GXYLT2: variants seen among roughly 807,000 people sequenced by gnomAD.
GXYLT2 encodes the protein glucoside xylosyltransferase 2.
In GXYLT2, 53 loss-of-function variants were observed where a neutral mutation model predicts 45.8. That is an observed-to-expected ratio of 1.16 (90% CI 0.93 to 1.46). The LOEUF (loss-of-function observed/expected upper bound fraction) is 1.46, where lower values mean the gene tolerates loss of function less well. GXYLT2 is among the 40% of genes most tolerant of loss of function. The probability of loss-of-function intolerance (pLI) is 0.00; values close to 1 mark genes in which losing one functional copy is unlikely to be tolerated. For missense variants in GXYLT2, 551 were observed against 544.4 expected (o/e 1.01, Z -0.12); for synonymous variants, 219 against 214.2 (o/e 1.02, Z -0.19).
chr3:72,941,823 A>G (rs895416906), intron 3 of GXYLT2, among the ~76,000 whole-genome samples: 1 of 152,214 alleles, frequency 6.6e-6, no homozygotes, highest in East Asian at 1.9e-4. Flanking sequence ...AATTATGGAT[A>G]TGTATGTATA....
chr3:72,953,047 A>G (rs1710555960), intron 3 of GXYLT2, among the ~76,000 whole-genome samples: 1 of 152,150 alleles, frequency 6.6e-6, no homozygotes, highest in Non-Finnish European at 1.5e-5. Flanking sequence ...CAAATCACCC[A>G]GCAAAGCTCT....
At chr3:72,898,714 G>T (rs1368329767) in intron 1 of GXYLT2, among the ~76,000 whole-genome samples, 1 of 152,156 alleles carries the variant, frequency 6.6e-6, no homozygotes, top group Non-Finnish European at 1.5e-5. Context: ...CATCTGCTCA[G>T]AGAGGGCTCT....
intron 3 of GXYLT2, among the ~76,000 whole-genome samples, chr3:72,931,280 T>C (rs1306955889): frequency 6.6e-6 from 1 of 151,912 alleles, no homozygotes; most frequent in Non-Finnish European, 1.5e-5. Flanking sequence ...CAGGCTGGAG[T>C]GCAGTGGCTC....
At chr3:72,943,399 C>T (rs1183741073) in intron 3 of GXYLT2, among the ~76,000 whole-genome samples, 3 of 147,000 alleles carry the variant, frequency 2.0e-5, no homozygotes, top group South Asian at 2.1e-4. Context: ...TTTTTGGAGA[C>T]AGGGTCTCCC....
intron 3 of GXYLT2, among the ~76,000 whole-genome samples, chr3:72,941,147 T>C (rs186021725): frequency 6.6e-6 from 1 of 152,316 alleles, no homozygotes; most frequent in Non-Finnish European, 1.5e-5. Context: ...GTTCTGGGTC[T>C]GCATGTATTT....
At position 72,961,674 on chromosome 3, in the gene GXYLT2, AAGAGAG is replaced by A. The variant is rs35904914; in HGVS notation, c.976+4332_976+4337del. Among the ~76,000 whole-genome samples the A allele has an allele frequency of 2.5e-5, 3 of 119,008 alleles. No homozygotes were observed. In the East Asian group the frequency reaches 7.2e-4, roughly 29 times the overall value. The allele number at this position is 119,008 out of a possible 152,430, so 78.1% of individuals were successfully genotyped here. ...GAATTCTTAGCAAAAAAAAAAAAAA[AAGAGAG>A]AGAGAGAGACTGGCCCAGCCCAGCT... On this transcript the variant is annotated intron_variant, in intron 5 of 6. Transcript: ENST00000389617.
chr3:72,954,996 G>A (rs1710606506), intron 3 of GXYLT2, 102 bp from the exon 4 acceptor site: 8 of 1,177,536 alleles, frequency 6.8e-6, no homozygotes, highest in Middle Eastern at 2.1e-4. Flanking sequence ...ACAAAAGTTG[G>A]TAGCATTATT....
chr3:72,895,869 C>CT (rs1160868100), intron 1 of GXYLT2, among the ~76,000 whole-genome samples: 1 of 152,184 alleles, frequency 6.6e-6, no homozygotes, highest in African/African-American at 2.4e-5. Context: ...TCCCCCATCT[C>CT]TTTTAGCAAC....
intron 1 of GXYLT2, among the ~76,000 whole-genome samples, chr3:72,899,051 CT>C (rs2107064959): frequency 6.6e-6 from 1 of 152,256 alleles, no homozygotes; most frequent in South Asian, 2.1e-4. Context: ...CTTTTTCTAA[CT>C]TACTTGTATG....
intron 6 of GXYLT2, among the ~76,000 whole-genome samples, chr3:72,970,435 G>T (rs1048212355): frequency 3.9e-5 from 6 of 152,014 alleles, no homozygotes; most frequent in Non-Finnish European, 7.4e-5. Context: ...GCTGAGGTGA[G>T]GAGTTCAAGA....
chr3:72,917,063 G>A (rs1450331213), intron 2 of GXYLT2, among the ~76,000 whole-genome samples: 1 of 152,020 alleles, frequency 6.6e-6, no homozygotes, highest in Non-Finnish European at 1.5e-5. Context: ...TAAACCTTTC[G>A]GAAGATAGGA....
intron 1 of GXYLT2, among the ~76,000 whole-genome samples, chr3:72,895,623 T>C (rs1047354844): frequency 6.6e-6 from 1 of 152,230 alleles, no homozygotes; most frequent in African/African-American, 2.4e-5. Context: ...TTATGTTGTA[T>C]GTATTTTAGC....
chr3:72,955,029 G>T, intron 3 of GXYLT2, 69 bp from the exon 4 acceptor site: 1 of 1,539,782 alleles, frequency 6.5e-7, no homozygotes, highest in Non-Finnish European at 8.8e-7. Context: ...TACTTCCTTT[G>T]TTTCTGACCT....
chr3:72,944,928 C>G (rs1388469112), intron 3 of GXYLT2, among the ~76,000 whole-genome samples: 2 of 152,132 alleles, frequency 1.3e-5, no homozygotes, highest in Non-Finnish European at 2.9e-5. Context: ...CAAGCAAAAG[C>G]AGGATATTCC....
At chr3:72,934,276 G>A (rs1385179781) in intron 3 of GXYLT2, among the ~76,000 whole-genome samples, 2 of 151,828 alleles carry the variant, frequency 1.3e-5, no homozygotes, top group Non-Finnish European at 2.9e-5. Context: ...TGTAGAGATA[G>A]GGTCTTGCTG....
At position 72,975,946 on chromosome 3, in the gene GXYLT2, T is replaced by TTTTTTTTTTTC. The variant is rs1559537589; in HGVS notation, c.*790_*791insTTTTTTTCTTT. 7.7e-6 allele frequency: 1 copy of TTTTTTTTTTTC among 129,592 alleles called. No homozygotes were observed. The highest frequency in any genetic ancestry group is 2.9e-5 in the African/African-American group (1 of 34,878). The allele number at this position is 129,592 out of a possible 1,614,324, so 8.0% of individuals were successfully genotyped here. On this transcript the variant is annotated 3_prime_UTR_variant, in exon 7 of 7. Coordinates refer to ENST00000389617, the MANE Select transcript of GXYLT2 (RefSeq NM_001080393.2). ...TCTTTCTTTTTTTTTTTTTTTTTTT[T>TTTTTTTTTTTC]TTTGAGACGGAATCTCACTCTGTAG...
intron 5 of GXYLT2, among the ~76,000 whole-genome samples, chr3:72,959,436 A>G (rs1336637313): frequency 6.6e-6 from 1 of 150,890 alleles, no homozygotes; most frequent in Non-Finnish European, 1.5e-5. Flanking sequence ...TTAATTTTTT[A>G]TAGAGATTGG....
intron 3 of GXYLT2, among the ~76,000 whole-genome samples, chr3:72,943,405 C>G (rs1003251390): frequency 3.4e-5 from 5 of 147,590 alleles, no homozygotes; most frequent in African/African-American, 1.3e-4. Flanking sequence ...GAGACAGGGT[C>G]TCCCTCTGTT....
In GXYLT2 at chr3:72,922,369, G is replaced by C. The variant is rs1164529151; in HGVS notation, c.600+34G>C. The C allele has an allele frequency of 1.9e-6, 3 of 1,592,162 alleles. No individual in the cohort carries two copies. The African/African-American group carries it at 4.1e-5, about 22-fold the overall frequency. On this transcript the variant is annotated intron_variant, in intron 3 of 6. Transcript: ENST00000389617. ...ACCTGTTTTTAATAAGTTGTAGCTTGCTCCTGGAAATAAGGTAAAATTAGC... is the reference window on the plus strand; with the variant it reads ...ACCTGTTTTTAATAAGTTGTAGCTTCCTCCTGGAAATAAGGTAAAATTAGC...
Sources: allele counts gnomAD v4.1 joint callset (sites outside exome capture counted in the v4.1 genomes callset), GRCh38; gene constraint gnomAD v4.1.1; transcripts MANE v1.5; gene names NCBI Gene and HGNC (gene_info 2026-07-23, HGNC 2026-07-21).